Variants in KL observed in about 807,000 individuals in gnomAD.
KL encodes the protein alpha-klotho.
A neutral mutation model predicts 84.2 loss-of-function variants in KL; 62 were observed. The ratio of observed to expected loss-of-function variants is 0.74; its 90% CI spans 0.60 to 0.91. The LOEUF (loss-of-function observed/expected upper bound fraction) is 0.91, where lower values mean the gene tolerates loss of function less well. KL is among the 40% of genes least tolerant of loss of function. The pLI, the probability that KL is intolerant of heterozygous loss-of-function variation, is 0.00. For missense variants in KL, 1,261 were observed against 1,305.7 expected (o/e 0.97, Z 0.53); for synonymous variants, 528 against 528.0 (o/e 1.00, Z 0.00).
rs775448758 is a variant in KL at position 33,061,374 on chromosome 13, C to T, written c.2295C>T (p.Phe765=). ...FDIGWLAEPI[F]GSGDYPWVMR... ...TTGGCTGGCTGGCTGAGCCCATTTT[C>T]GGCTCTGGAGATTATCCATGGGTGA... The change falls in exon 4 of 5, where the codon TTC becomes TTT. Residue 765 remains phenylalanine, a synonymous_variant. Transcript: ENST00000380099. 4.3e-6 allele frequency: 7 copies of T among 1,614,042 alleles called. No homozygotes were observed. Among genetic ancestry groups the T allele is most frequent in the East Asian group, 4.5e-5 (2 of 44,898 alleles).
chr13:33,044,640 CTTTTTTTTTTTTTTTT>C (rs71071071), intron 1 of KL, among the ~76,000 whole-genome samples: 2 of 52,766 alleles, frequency 3.8e-5, no homozygotes, highest in African/African-American at 1.7e-4. Context: ...AATTGATTTT[CTTTTTTTTTTTTTTTT>C]TTTTTTTTTT....
intron 1 of KL, among the ~76,000 whole-genome samples, chr13:33,038,817 ACAAG>A (rs1219998250): frequency 1.3e-5 from 2 of 152,188 alleles, no homozygotes; most frequent in Non-Finnish European, 2.9e-5. Context: ...AAACAGCTAA[ACAAG>A]CAGAGCAGAC....
chr13:33,058,976 A>C (rs535636624), intron 3 of KL, among the ~76,000 whole-genome samples: 37 of 152,342 alleles, frequency 2.4e-4, no homozygotes, highest in Non-Finnish European at 5.1e-4. Flanking sequence ...AATTCTCCAG[A>C]AAAGGCAATT....
intron 3 of KL, 91 bp from the exon 4 acceptor site, chr13:33,060,588 A>G: frequency 1.4e-6 from 2 of 1,438,886 alleles, no homozygotes; most frequent in Admixed American, 3.4e-5. Context: ...ATTTTTGCTC[A>G]TATTCCTGGC....
rs138723796 is a variant in KL, at chr13:33,061,119, C to A, written c.2040C>A (p.His680Gln). 1 of 1,614,072 alleles carries A rather than the reference C, an allele frequency of 6.2e-7. No homozygotes were observed. The highest frequency in any genetic ancestry group is 8.5e-7 in the Non-Finnish European group (1 of 1,179,970). ...ARLCFQELGH[H>Q]VKLWITMNEP... is the part of the protein sequence containing the mutation. ...TGTGCTTTCAAGAGCTCGGCCATCA[C>A]GTCAAGCTTTGGATAACGATGAATG... The change falls in exon 4 of 5, where the codon CAC (histidine) becomes CAA (glutamine). Residue 680 changes from histidine to glutamine, a missense_variant. Coordinates refer to ENST00000380099, the MANE Select transcript of KL (RefSeq NM_004795.4).
At chr13:33,057,154 C>T (rs1405182654) in intron 3 of KL, among the ~76,000 whole-genome samples, 2 of 152,154 alleles carry the variant, frequency 1.3e-5, no homozygotes. Flanking sequence ...TCTTGACCTT[C>T]TGCCTGCTCC....
chr13:33,016,892 T>C lies in KL; in HGVS notation c.452T>C (p.Ile151Thr), dbSNP rs140502756. 13 of 1,612,232 alleles carry C rather than the reference T, an allele frequency of 8.1e-6. No homozygotes were observed. In the African/African-American group the frequency reaches 1.7e-4, roughly 22 times the overall value. The part of the protein sequence containing the change: ...ELGVTHYRFS[I>T]SWARVLPNGS... ...GGGGTCACTCACTACCGCTTCTCCA[T>C]CTCGTGGGCGCGAGTGCTCCCCAAT... The change falls in exon 1 of 5, where the codon ATC (isoleucine) becomes ACC (threonine). Residue 151 changes from isoleucine (I) to threonine (T), a missense_variant. Transcript: ENST00000380099.
At position 33,016,705 on chromosome 13, in the gene KL, A is replaced by G. The variant is rs1201962505; in HGVS notation, c.265A>G (p.Ile89Val). The G allele has an allele frequency of 6.2e-7, 1 of 1,609,570 alleles. No homozygotes were observed. Among genetic ancestry groups the G allele is most frequent in the Non-Finnish European group, 8.5e-7 (1 of 1,178,614 alleles). Residue 89 changes from isoleucine to valine, a missense_variant, in exon 1 of 5, where the codon ATC becomes GTC. Coordinates refer to ENST00000380099, the MANE Select transcript of KL (RefSeq NM_004795.4). ...GCAGCAGCACGGCAAGGGTGCGTCCATCTGGGATACGTTCACCCACCACCC... is the reference window on the plus strand; with the variant it reads ...GCAGCAGCACGGCAAGGGTGCGTCCGTCTGGGATACGTTCACCCACCACCC... The part of the protein sequence containing the change: ...GWQQHGKGAS[I>V]WDTFTHHPLA...
In KL at chr13:33,016,951, C is replaced by A. The variant is rs200517420; in HGVS notation, c.511C>A (p.Arg171Ser). Reference protein sequence around the residue: ...SAGVPNREGLRYYRRLLERLR... With the variant: ...SAGVPNREGLSYYRRLLERLR... ...GGGCGTCCCCAACCGCGAGGGGCTGCGCTACTACCGGCGCCTGCTGGAGCG... is the reference window on the plus strand; with the variant it reads ...GGGCGTCCCCAACCGCGAGGGGCTGAGCTACTACCGGCGCCTGCTGGAGCG... Residue 171 changes from arginine (R) to serine (S), a missense_variant, in exon 1 of 5, where the codon CGC (arginine) becomes AGC (serine). By Grantham distance (110) the Arg-to-Ser change is moderately radical. Coordinates refer to ENST00000380099, the MANE Select transcript of KL (RefSeq NM_004795.4). The A allele has an allele frequency of 7.7e-5, 124 of 1,604,860 alleles. No individual in the cohort carries two copies. In the East Asian group the frequency reaches 2.4e-3, roughly 31 times the overall value.
chr13:33,036,919 T>G (rs974666520), intron 1 of KL, among the ~76,000 whole-genome samples: 2 of 152,228 alleles, frequency 1.3e-5, no homozygotes, highest in African/African-American at 4.8e-5. Flanking sequence ...TAATTTCATG[T>G]GATTTCTAAA....
intron 1 of KL, among the ~76,000 whole-genome samples, chr13:33,026,023 A>G (rs1028689069): frequency 6.6e-6 from 1 of 152,266 alleles, no homozygotes; most frequent in African/African-American, 2.4e-5. Context: ...TGGTACGCTT[A>G]TACAGTGGAA....
chr13:33,053,385 C>T (rs1346103311), intron 1 of KL, among the ~76,000 whole-genome samples: 1 of 152,164 alleles, frequency 6.6e-6, no homozygotes, highest in African/African-American at 2.4e-5. Flanking sequence ...GGTGTGATCA[C>T]AGATGTAGCA....
chr13:33,028,007 C>T (rs1870841564), intron 1 of KL, among the ~76,000 whole-genome samples: 1 of 152,198 alleles, frequency 6.6e-6, no homozygotes, highest in African/African-American at 2.4e-5. Flanking sequence ...GAAGGATGGG[C>T]TGGGAAGAGT....
In KL at chr13:33,016,999, C is replaced by T. The variant is rs1032646986; in HGVS notation, c.559C>T (p.Pro187Ser). 3.8e-5 allele frequency: 61 copies of T among 1,592,658 alleles called. No individual in the cohort carries two copies. The highest frequency in any genetic ancestry group is 4.7e-5 in the Non-Finnish European group (55 of 1,173,150). The part of the protein sequence containing the change: ...LERLRELGVQ[P>S]VVTLYHWDLP... ...GCGGCTGCGGGAGCTGGGCGTGCAG[C>T]CCGTGGTCACCCTGTACCACTGGGA... The change falls in exon 1 of 5, where the codon CCC (proline) becomes TCC (serine). Residue 187 changes from proline (P) to serine (S), a missense_variant. Coordinates refer to ENST00000380099, the MANE Select transcript of KL (RefSeq NM_004795.4).
At chr13:33,042,786 A>T (rs1871384277) in intron 1 of KL, among the ~76,000 whole-genome samples, 1 of 152,094 alleles carries the variant, frequency 6.6e-6, no homozygotes. Context: ...GGTCCAAGCG[A>T]TTCTCCTGCC....
chr13:33,062,572 C>T (rs1360896540), intron 4 of KL, among the ~76,000 whole-genome samples: 1 of 143,192 alleles, frequency 7.0e-6, no homozygotes, highest in African/African-American at 2.6e-5. Flanking sequence ...ACTCGGGAGG[C>T]TGAGGCAGAA....
chr13:33,039,424 A>G (rs1871255719), intron 1 of KL, among the ~76,000 whole-genome samples: 1 of 152,184 alleles, frequency 6.6e-6, no homozygotes, highest in South Asian at 2.1e-4. Context: ...AGTTGTTTCC[A>G]TTCAACTTTA....
intron 1 of KL, among the ~76,000 whole-genome samples, chr13:33,036,404 C>A (rs1871148065): frequency 1.3e-5 from 2 of 148,672 alleles, no homozygotes; most frequent in Non-Finnish European, 3.0e-5. Flanking sequence ...ACACACCACA[C>A]ACACACCACA....
intron 1 of KL, among the ~76,000 whole-genome samples, chr13:33,028,391 CA>C (rs1465296597): frequency 6.6e-6 from 1 of 152,056 alleles, no homozygotes; most frequent in East Asian, 1.9e-4. Context: ...GTCAAAGTCC[CA>C]AAAAATAAAT....
Sources: gnomAD v4.1 joint callset for allele counts (sites outside exome capture counted in the v4.1 genomes callset) on GRCh38, gnomAD v4.1.1 for gene constraint, MANE v1.5 for transcripts, NCBI Gene and HGNC (gene_info 2026-07-23, HGNC 2026-07-21) for gene names.